GTF2F2: variants seen among roughly 807,000 people sequenced by gnomAD.
The protein encoded by GTF2F2 is ATP-dependent helicase GTF2F2.
Under a neutral mutation model 42.2 loss-of-function variants are expected in GTF2F2, and 23 were observed. That is an observed-to-expected ratio of 0.55 (90% CI 0.39 to 0.77). The LOEUF is 0.77. Ranked by LOEUF, GTF2F2 falls within the 30% of genes least tolerant of loss-of-function variation. The pLI is 0.00. For missense variants in GTF2F2, 261 were observed against 287.2 expected (o/e 0.91, Z 0.66); for synonymous variants, 105 against 100.8 (o/e 1.04, Z -0.25).
intron 4 of GTF2F2, among the ~76,000 whole-genome samples, chr13:45,155,034 T>C (rs923309522): frequency 1.3e-5 from 2 of 152,212 alleles, no homozygotes; most frequent in Non-Finnish European, 2.9e-5. Context: ...TAGGAAGTCA[T>C]AAATAGTAGC....
At chr13:45,205,174 A>G (rs914004002) in intron 4 of GTF2F2, among the ~76,000 whole-genome samples, 6 of 152,208 alleles carry the variant, frequency 3.9e-5, no homozygotes, top group African/African-American at 1.2e-4. Context: ...TTTATAAAGG[A>G]AACAGGTTTA....
At position 45,223,641 on chromosome 13, in the gene GTF2F2, C is replaced by G. The variant is rs904795431; in HGVS notation, c.386+16136C>G. Among the ~76,000 whole-genome samples, 5 of 152,186 alleles carry G rather than the reference C, an allele frequency of 3.3e-5. No individual in the cohort carries two copies. In the South Asian group the frequency reaches 1.0e-3, roughly 32 times the overall value. ...TACAAAACTTTAGATATTCCTTTTT[C>G]ATAAAAAACTATTCAAGATGAAAAT... On this transcript the variant is annotated intron_variant, in intron 5 of 7. Coordinates refer to ENST00000340473, the MANE Select transcript of GTF2F2 (RefSeq NM_004128.3).
intron 5 of GTF2F2, among the ~76,000 whole-genome samples, chr13:45,233,259 T>TA (rs893325557): frequency 5.9e-5 from 9 of 152,032 alleles, no homozygotes; most frequent in East Asian, 3.9e-4. Context: ...CTCTGCAATA[T>TA]AAAAAAACAA....
At chr13:45,251,714 C>A (rs979808488) in intron 5 of GTF2F2, among the ~76,000 whole-genome samples, 4 of 151,778 alleles carry the variant, frequency 2.6e-5, no homozygotes, top group Admixed American at 2.6e-4. Flanking sequence ...GAAATAAATT[C>A]TTGAGTAGTT....
At chr13:45,239,398 G>T (rs1006543391) in intron 5 of GTF2F2, among the ~76,000 whole-genome samples, 1 of 152,188 alleles carries the variant, frequency 6.6e-6, no homozygotes, top group Non-Finnish European at 1.5e-5. Flanking sequence ...TGGAATGCTG[G>T]TGATATACTC....
At chr13:45,137,085 T>C (rs1869667290) in intron 2 of GTF2F2, among the ~76,000 whole-genome samples, 1 of 152,210 alleles carries the variant, frequency 6.6e-6, no homozygotes, top group Admixed American at 6.5e-5. Context: ...GATTATGTAG[T>C]TCTTTCACCC....
At chr13:45,224,904 G>A (rs1004776568) in intron 5 of GTF2F2, among the ~76,000 whole-genome samples, 1 of 152,158 alleles carries the variant, frequency 6.6e-6, no homozygotes, top group Non-Finnish European at 1.5e-5. Context: ...ATATTTTGTG[G>A]GATACCATCT....
chr13:45,203,994 A>C (rs1566134255), intron 4 of GTF2F2, among the ~76,000 whole-genome samples: 1 of 152,076 alleles, frequency 6.6e-6, no homozygotes, highest in African/African-American at 2.4e-5. Context: ...TAATAATGCT[A>C]ATGGCTTTTT....
chr13:45,161,855 A>G (rs558355466), intron 4 of GTF2F2, among the ~76,000 whole-genome samples: 1 of 152,334 alleles, frequency 6.6e-6, no homozygotes, highest in South Asian at 2.1e-4. Context: ...AAAAGAAAAA[A>G]TGAATACAGT....
intron 6 of GTF2F2, among the ~76,000 whole-genome samples, chr13:45,255,056 A>G (rs1876042492): frequency 6.6e-6 from 1 of 151,224 alleles, no homozygotes; most frequent in Non-Finnish European, 1.5e-5. Flanking sequence ...AATTCCAGCC[A>G]CTCGGGAGGT....
At chr13:45,272,831 G>A (rs1051572911) in intron 7 of GTF2F2, among the ~76,000 whole-genome samples, 18 of 150,370 alleles carry the variant, frequency 1.2e-4, no homozygotes, top group East Asian at 4.0e-4. Context: ...ATCATAGCTC[G>A]CTGTCACTTC....
At chr13:45,198,313 A>G (rs1180249866) in intron 4 of GTF2F2, among the ~76,000 whole-genome samples, 1 of 152,234 alleles carries the variant, frequency 6.6e-6, no homozygotes, top group Non-Finnish European at 1.5e-5. Context: ...ATTGTAATAT[A>G]TACACTTGCT....
intron 5 of GTF2F2, among the ~76,000 whole-genome samples, chr13:45,230,963 G>A (rs1159617458): frequency 1.3e-5 from 2 of 152,002 alleles, no homozygotes; most frequent in Admixed American, 6.5e-5. Flanking sequence ...GATTGGAGTA[G>A]AAGTATGTAG....
chr13:45,125,400 A>G (rs1868936041), intron 1 of GTF2F2, among the ~76,000 whole-genome samples: 1 of 151,746 alleles, frequency 6.6e-6, no homozygotes, highest in Non-Finnish European at 1.5e-5. Context: ...GCTCACTGCA[A>G]CCTCCACCTT....
At chr13:45,257,084 T>G (rs1258122309) in intron 6 of GTF2F2, among the ~76,000 whole-genome samples, 1 of 152,200 alleles carries the variant, frequency 6.6e-6, no homozygotes. Flanking sequence ...CCTGTATATA[T>G]GTAAAGAAAA....
intron 7 of GTF2F2, among the ~76,000 whole-genome samples, chr13:45,272,431 AAAAAAAAAAC>A (rs1223374148): frequency 2.1e-5 from 3 of 143,138 alleles, no homozygotes; most frequent in African/African-American, 8.4e-5. Context: ...CTTTAAAAAA[AAAAAAAAAAC>A]AAAAAAAAAA....
intron 5 of GTF2F2, among the ~76,000 whole-genome samples, chr13:45,218,683 A>C (rs1184750927): frequency 6.6e-6 from 1 of 152,252 alleles, no homozygotes; most frequent in Non-Finnish European, 1.5e-5. Context: ...GAAAATGCAG[A>C]AAAGATACCA....
intron 4 of GTF2F2, among the ~76,000 whole-genome samples, chr13:45,161,511 T>C (rs1333981169): frequency 6.6e-6 from 1 of 152,134 alleles, no homozygotes; most frequent in African/African-American, 2.4e-5. Flanking sequence ...TGCGTAACAC[T>C]GAATTGCATG....
chr13:45,181,200 A>AAACAAAAAAAC (rs796449614), intron 4 of GTF2F2, among the ~76,000 whole-genome samples: 18 of 132,820 alleles, frequency 1.4e-4, no homozygotes, highest in African/African-American at 4.8e-4. Context: ...AAAAAAAAAA[A>AAACAAAAAAAC]AAACCAGAAA....
Sources: gnomAD v4.1 joint callset for allele counts (sites outside exome capture counted in the v4.1 genomes callset) on GRCh38, gnomAD v4.1.1 for gene constraint, MANE v1.5 for transcripts, NCBI Gene and HGNC (gene_info 2026-07-23, HGNC 2026-07-21) for gene names.